LOC128462377: variants seen among roughly 807,000 people sequenced by gnomAD.
chr16:89,388,064 T>C, the LOC128462377 span, among the ~76,000 whole-genome samples: 1 of 152,000 alleles, frequency 6.6e-6, no homozygotes, highest in Non-Finnish European at 1.5e-5. Context: ...TTTTTAAACT[T>C]CAGACTTACA....
the LOC128462377 span, among the ~76,000 whole-genome samples, chr16:89,336,987 T>C: frequency 1.9e-5 from 2 of 105,276 alleles, no homozygotes; most frequent in East Asian, 5.5e-4. Flanking sequence ...CTGGGCAACA[T>C]GGTGAAACCC....
chr16:89,337,957 C>T, the LOC128462377 span, among the ~76,000 whole-genome samples: 87 of 152,320 alleles, frequency 5.7e-4, no homozygotes, highest in African/African-American at 2.1e-3. Flanking sequence ...GAGGGTCCAG[C>T]TTCCAAGCTC....
chr16:89,330,397 G>A, the LOC128462377 span, among the ~76,000 whole-genome samples: 1 of 152,010 alleles, frequency 6.6e-6, no homozygotes, highest in Non-Finnish European at 1.5e-5. Context: ...TTCCCAGGTG[G>A]CCGCTCGCAC....
chr16:89,321,621 T>A, the LOC128462377 span, among the ~76,000 whole-genome samples: 1 of 151,968 alleles, frequency 6.6e-6, no homozygotes, highest in African/African-American at 2.4e-5. Flanking sequence ...ATTTTAAGCA[T>A]GTTCTGTTCT....
the LOC128462377 span, among the ~76,000 whole-genome samples, chr16:89,402,689 G>A: frequency 6.7e-6 from 1 of 148,416 alleles, no homozygotes; most frequent in Non-Finnish European, 1.5e-5. Flanking sequence ...GCGGGAGGAG[G>A]TGAGGTGGCT....
chr16:89,327,817 A>C, the LOC128462377 span, among the ~76,000 whole-genome samples: 4 of 152,236 alleles, frequency 2.6e-5, no homozygotes, highest in Admixed American at 2.6e-4. Flanking sequence ...GAAAATCTTT[A>C]GGACCTAGGG....
the LOC128462377 span, among the ~76,000 whole-genome samples, chr16:89,352,291 ATGCATC>A: frequency 1.5e-4 from 23 of 152,072 alleles, no homozygotes; most frequent in East Asian, 3.3e-3. Flanking sequence ...GTGGCCAGGT[ATGCATC>A]ACGCCACGCG....
At chr16:89,358,650 T>C in the LOC128462377 span, among the ~76,000 whole-genome samples, 4 of 152,326 alleles carry the variant, frequency 2.6e-5, no homozygotes, top group African/African-American at 9.6e-5. Flanking sequence ...TTTCAACTGT[T>C]TACCCAGGAT....
At chr16:89,379,219 C>T in the LOC128462377 span, among the ~76,000 whole-genome samples, 3 of 152,332 alleles carry the variant, frequency 2.0e-5, no homozygotes, top group South Asian at 2.1e-4. Flanking sequence ...GGGTGCACAC[C>T]GTCTGTATGT....
At chr16:89,334,663 T>C in the LOC128462377 span, among the ~76,000 whole-genome samples, 1 of 151,780 alleles carries the variant, frequency 6.6e-6, no homozygotes, top group African/African-American at 2.4e-5. Context: ...AGGGGCCACA[T>C]CCACGAGGGC....
At chr16:89,378,861 G>C in the LOC128462377 span, among the ~76,000 whole-genome samples, 6 of 152,230 alleles carry the variant, frequency 3.9e-5, no homozygotes, top group Middle Eastern at 3.4e-3. Flanking sequence ...GGGGTTGATG[G>C]GTGGGGCGAG....
chr16:89,388,685 G>T, the LOC128462377 span, among the ~76,000 whole-genome samples: 1 of 152,194 alleles, frequency 6.6e-6, no homozygotes, highest in African/African-American at 2.4e-5. Context: ...CCCCTTGGAG[G>T]TTTAGCGGAC....
At chr16:89,383,786 A>G in the LOC128462377 span, among the ~76,000 whole-genome samples, 1 of 152,188 alleles carries the variant, frequency 6.6e-6, no homozygotes, top group Non-Finnish European at 1.5e-5. Context: ...CCCAATGCCA[A>G]GAGCCCAATC....
chr16:89,397,080 G>A, the LOC128462377 span, among the ~76,000 whole-genome samples: 7 of 151,800 alleles, frequency 4.6e-5, no homozygotes, highest in South Asian at 1.5e-3. Flanking sequence ...TATTCCTGTT[G>A]TTAATTGGAA....
the LOC128462377 span, among the ~76,000 whole-genome samples, chr16:89,337,544 C>T: frequency 7.0e-6 from 1 of 141,936 alleles, no homozygotes; most frequent in African/African-American, 2.6e-5. Context: ...TCACGCCATT[C>T]TCCTGCCTCA....
the LOC128462377 span, among the ~76,000 whole-genome samples, chr16:89,399,211 GGGGCCA>G: frequency 1.3e-5 from 2 of 152,138 alleles, no homozygotes; most frequent in African/African-American, 2.4e-5. Flanking sequence ...ACCGAGTTCA[GGGGCCA>G]GTGGCTGGCT....
chr16:89,378,774 C>T, the LOC128462377 span, among the ~76,000 whole-genome samples: 6 of 152,228 alleles, frequency 3.9e-5, no homozygotes, highest in Non-Finnish European at 8.8e-5. Context: ...TTAGTAGAGA[C>T]GGGGTTTCAT....
the LOC128462377 span, among the ~76,000 whole-genome samples, chr16:89,382,511 G>C: frequency 4.0e-5 from 6 of 151,774 alleles, no homozygotes; most frequent in East Asian, 1.2e-3. Context: ...ATTTTTAATA[G>C]AGACGGGATT....
chr16:89,383,597 C>A, the LOC128462377 span, among the ~76,000 whole-genome samples: 20 of 152,326 alleles, frequency 1.3e-4, no homozygotes, highest in African/African-American at 4.8e-4. Context: ...AGCCGAAGAG[C>A]CTCCCATGGT....
Sources: gnomAD v4.1 joint callset for allele counts (sites outside exome capture counted in the v4.1 genomes callset) on GRCh38, gnomAD v4.1.1 for gene constraint, MANE v1.5 for transcripts.